STXBP5L: variants seen among roughly 807,000 people sequenced by gnomAD.
The protein encoded by STXBP5L is syntaxin-binding protein 5-like.
STXBP5L carries 65 observed loss-of-function variants against 144.5 expected under a neutral mutation model. The ratio of observed to expected loss-of-function variants is 0.45; its 90% confidence interval spans 0.37 to 0.55. The LOEUF is 0.55. Ranked by LOEUF, STXBP5L falls within the 20% of genes least tolerant of loss-of-function variation. STXBP5L has a pLI of 0.00. For missense variants in STXBP5L, 1,298 were observed against 1,405.5 expected (o/e 0.92, Z 1.22); for synonymous variants, 505 against 469.6 (o/e 1.08, Z -0.97).
At chr3:121,181,134 GA>G (rs1162474852) in intron 9 of STXBP5L, among the ~76,000 whole-genome samples, 1 of 132,750 alleles carries the variant, frequency 7.5e-6, no homozygotes, top group Non-Finnish European at 1.6e-5. Flanking sequence ...GAAGAGAAAA[GA>G]AGAGAAGAGA....
intron 2 of STXBP5L, among the ~76,000 whole-genome samples, chr3:120,922,621 A>T (rs1439953625): frequency 6.6e-6 from 1 of 151,822 alleles, no homozygotes; most frequent in Non-Finnish European, 1.5e-5. Context: ...AGCCTTTATT[A>T]TTTTGAGGTA....
At chr3:120,999,388 G>A (rs1234050059) in intron 3 of STXBP5L, among the ~76,000 whole-genome samples, 1 of 152,094 alleles carries the variant, frequency 6.6e-6, no homozygotes, top group Non-Finnish European at 1.5e-5. Flanking sequence ...AATAAGAATA[G>A]CAACCCCAAT....
intron 18 of STXBP5L, among the ~76,000 whole-genome samples, chr3:121,263,457 A>G (rs1013535211): frequency 2.6e-5 from 4 of 152,118 alleles, no homozygotes; most frequent in African/African-American, 9.7e-5. Context: ...AACAAAACTG[A>G]ATGGAGAATG....
chr3:120,947,299 C>A (rs190188124), intron 2 of STXBP5L, among the ~76,000 whole-genome samples: 4 of 151,860 alleles, frequency 2.6e-5, no homozygotes, highest in Admixed American at 2.6e-4. Flanking sequence ...TCTACATTTT[C>A]TTTGCTCCTT....
chr3:121,320,355 G>T lies in STXBP5L; in HGVS notation c.2176+1815G>T, dbSNP rs183828608. Among the ~76,000 whole-genome samples the T allele has an allele frequency of 2.0e-4, 30 of 151,872 alleles. No homozygotes were observed. In the East Asian group the frequency reaches 5.6e-3, roughly 28 times the overall value. ...TTTTTGTATATTGAGCTTGCATCCA[G>T]GAAACTTGCTAAATCTATTTCTTAA... On this transcript the variant is annotated intron_variant, in intron 20 of 26. Transcript: ENST00000471454.
At chr3:120,986,600 T>C (rs1942309669) in intron 3 of STXBP5L, among the ~76,000 whole-genome samples, 1 of 151,978 alleles carries the variant, frequency 6.6e-6, no homozygotes, top group Non-Finnish European at 1.5e-5. Flanking sequence ...ATTACTTTCT[T>C]TGTCTCTTGT....
chr3:121,257,059 G>C, intron 16 of STXBP5L, 102 bp from the exon 17 acceptor site: 3 of 893,456 alleles, frequency 3.4e-6, no homozygotes, highest in Admixed American at 2.6e-5. Flanking sequence ...TTCCTAAAAA[G>C]TTATCAGGTA....
chr3:121,042,269 T>C (rs72968832), intron 4 of STXBP5L, among the ~76,000 whole-genome samples: 8 of 152,320 alleles, frequency 5.3e-5, no homozygotes, highest in African/African-American at 1.9e-4. Flanking sequence ...TCCGTAGTTA[T>C]TATGGAAATT....
chr3:121,341,796 G>A (rs2044722894), intron 20 of STXBP5L, among the ~76,000 whole-genome samples: 2 of 152,006 alleles, frequency 1.3e-5, no homozygotes, highest in Non-Finnish European at 2.9e-5. Context: ...ACTTATTCGT[G>A]GGAACTAAAA....
chr3:121,319,331 T>A (rs1162235415), intron 20 of STXBP5L, among the ~76,000 whole-genome samples: 1 of 152,146 alleles, frequency 6.6e-6, no homozygotes, highest in East Asian at 1.9e-4. Flanking sequence ...TTATACAAAT[T>A]TATAAAAGTT....
intron 5 of STXBP5L, among the ~76,000 whole-genome samples, chr3:121,111,768 G>T (rs1275132990): frequency 1.3e-5 from 2 of 152,210 alleles, no homozygotes; most frequent in Admixed American, 1.3e-4. Context: ...GGTGCACTGT[G>T]GTGGGAGGAA....
chr3:121,323,738 T>A (rs536340621), intron 20 of STXBP5L, among the ~76,000 whole-genome samples: 2 of 135,046 alleles, frequency 1.5e-5, no homozygotes, highest in Non-Finnish European at 3.3e-5. Flanking sequence ...CATACTTTTT[T>A]AAAGGCTGTA....
chr3:121,340,419 T>A (rs1194165422), intron 20 of STXBP5L, among the ~76,000 whole-genome samples: 1 of 152,064 alleles, frequency 6.6e-6, no homozygotes, highest in East Asian at 1.9e-4. Flanking sequence ...CCCAAGTTGG[T>A]TTGCTGCACC....
At chr3:120,997,071 AC>A (rs1410674343) in intron 3 of STXBP5L, among the ~76,000 whole-genome samples, 1 of 152,080 alleles carries the variant, frequency 6.6e-6, no homozygotes, top group Non-Finnish European at 1.5e-5. Context: ...TCCTGTGTTG[AC>A]ATGCTTAGTA....
At chr3:121,105,984 A>T (rs751320462) in intron 5 of STXBP5L, among the ~76,000 whole-genome samples, 1 of 152,200 alleles carries the variant, frequency 6.6e-6, no homozygotes, top group Non-Finnish European at 1.5e-5. Context: ...AAACAAATTC[A>T]AAGGTCTGCC....
rs61796938 is a variant in STXBP5L at position 121,368,286 on chromosome 3, G to A, written c.2177-10430G>A. On this transcript the variant is annotated intron_variant, in intron 20 of 26. Transcript: ENST00000471454. ...ATTCTTCTAGTGAATGTTTCATTTC[G>A]GTTATTATACTTTTAAGCTCCAGAG... Among the ~76,000 whole-genome samples the A allele has an allele frequency of 3.5e-3, 528 of 151,808 alleles. 1 individual carries two copies. Among genetic ancestry groups the A allele is most frequent in the Non-Finnish European group, 5.1e-3 (347 of 67,926 alleles).
intron 2 of STXBP5L, among the ~76,000 whole-genome samples, chr3:120,929,595 C>T (rs1202231749): frequency 6.6e-6 from 1 of 151,958 alleles, no homozygotes; most frequent in Non-Finnish European, 1.5e-5. Flanking sequence ...TTACGAACAT[C>T]TGTGGGCATT....
intron 3 of STXBP5L, among the ~76,000 whole-genome samples, chr3:120,981,210 C>T (rs1300507348): frequency 6.6e-6 from 1 of 152,100 alleles, no homozygotes; most frequent in Non-Finnish European, 1.5e-5. Flanking sequence ...AATGTATCTT[C>T]CAGGAGTTTT....
chr3:121,347,796 C>T lies in STXBP5L; in HGVS notation c.2176+29256C>T, dbSNP rs546188794. 7.9e-5 allele frequency among the ~76,000 whole-genome samples: 12 copies of T among 152,086 alleles called. No individual in the cohort carries two copies. In the South Asian group the frequency reaches 8.3e-4, roughly 11 times the overall value. On this transcript the variant is annotated intron_variant, in intron 20 of 26. Transcript: ENST00000471454. ...TGTATAAGAATGCTTGTGATTTTTG[C>T]ACATTGATTTTGTATCCTGAGACTT...
Sources: gnomAD v4.1 joint callset for allele counts (sites outside exome capture counted in the v4.1 genomes callset) on GRCh38, gnomAD v4.1.1 for gene constraint, MANE v1.5 for transcripts, NCBI Gene and HGNC (gene_info 2026-07-23, HGNC 2026-07-21) for gene names.